The following CCDC171 variants were observed in gnomAD, a reference collection of about 807,000 sequenced individuals.
The protein encoded by CCDC171 is coiled-coil domain containing 171, also known as coiled-coil domain-containing protein 171.
A neutral mutation model predicts 168.2 loss-of-function variants in CCDC171; 177 were observed. The ratio of observed to expected loss-of-function variants is 1.05; its 90% CI spans 0.93 to 1.19. The LOEUF is 1.19. Among genes scored for constraint, CCDC171 ranks in the 50% most tolerant of loss-of-function variants. CCDC171 has a pLI of 0.00. For synonymous variants in CCDC171, 687 were observed against 540.8 expected, an observed-to-expected ratio of 1.27 and a Z score of -3.75; for missense variants, 1,991 against 1,539.0, an observed-to-expected ratio of 1.29 and a Z score of -4.91.
intron 3 of CCDC171, among the ~76,000 whole-genome samples, chr9:15,979,729 A>C (rs1450958106): frequency 6.6e-6 from 1 of 151,752 alleles, no homozygotes; most frequent in African/African-American, 2.4e-5. Flanking sequence ...CATCTCTGAA[A>C]ATAAGGAGTA....
chr9:15,557,576 C>T (rs984961724), intron 1 of CCDC171, among the ~76,000 whole-genome samples: 24 of 152,084 alleles, frequency 1.6e-4, no homozygotes, highest in African/African-American at 4.1e-4. Flanking sequence ...GTGATTTTTG[C>T]ACATTGATTT....
chr9:16,077,977 G>A, the CCDC171 span, among the ~76,000 whole-genome samples: 1 of 151,102 alleles, frequency 6.6e-6, no homozygotes, highest in South Asian at 2.1e-4. Context: ...ACATTGTGAT[G>A]GTTATAGTAA....
intron 21 of CCDC171, chr9:15,845,548 T>G (rs2060858806): frequency 6.6e-6 from 1 of 152,060 alleles, no homozygotes; most frequent in South Asian, 2.1e-4. Context: ...CTATTCTTTT[T>G]TTTATACTAC....
At chr9:15,677,742 G>A (rs1406477507) in intron 9 of CCDC171, among the ~76,000 whole-genome samples, 1 of 147,838 alleles carries the variant, frequency 6.8e-6, no homozygotes, top group Non-Finnish European at 1.5e-5. Flanking sequence ...CCATATATAT[G>A]TGGTGTGTAT....
intron 2 of CCDC171, among the ~76,000 whole-genome samples, chr9:15,569,254 A>G (rs1346470802): frequency 6.6e-6 from 1 of 152,132 alleles, no homozygotes; most frequent in East Asian, 1.9e-4. Flanking sequence ...GCAGTGGTTA[A>G]GAGGATATAT....
chr9:15,804,917 T>G (rs905806571), intron 21 of CCDC171, among the ~76,000 whole-genome samples: 43 of 152,284 alleles, frequency 2.8e-4, no homozygotes, highest in African/African-American at 9.9e-4. Flanking sequence ...TATTTATTAC[T>G]GCCTCAATTT....
intron 16 of CCDC171, among the ~76,000 whole-genome samples, chr9:15,738,943 G>C (rs1315148946): frequency 6.6e-6 from 1 of 151,928 alleles, no homozygotes; most frequent in South Asian, 2.1e-4. Context: ...TTTTATAAAG[G>C]GTTATTTAAT....
chr9:15,859,106 T>C (rs1333079157), intron 23 of CCDC171, among the ~76,000 whole-genome samples: 1 of 152,090 alleles, frequency 6.6e-6, no homozygotes, highest in African/African-American at 2.4e-5. Context: ...GGCTATTGAA[T>C]TTTTATCAAT....
intron 3 of CCDC171, among the ~76,000 whole-genome samples, chr9:15,577,892 AC>A (rs1353852898): frequency 6.6e-6 from 1 of 152,176 alleles, no homozygotes; most frequent in African/African-American, 2.4e-5. Flanking sequence ...TGGCATCTTC[AC>A]TTCTCCTGCT....
At chr9:15,898,847 G>C (rs1293914506) in intron 24 of CCDC171, among the ~76,000 whole-genome samples, 2 of 152,042 alleles carry the variant, frequency 1.3e-5, no homozygotes, top group Non-Finnish European at 2.9e-5. Context: ...TTAGTACAAT[G>C]GGTAAATACA....
chr9:15,807,290 C>G (rs370123299), intron 21 of CCDC171, among the ~76,000 whole-genome samples: 57 of 152,346 alleles, frequency 3.7e-4, no homozygotes, highest in African/African-American at 1.2e-3. Flanking sequence ...GTAAGACACT[C>G]TGGCCATTTG....
chr9:16,066,288 TA>T (rs1292509725), downstream of CCDC171, among the ~76,000 whole-genome samples: 1 of 152,126 alleles, frequency 6.6e-6, no homozygotes, highest in Non-Finnish European at 1.5e-5. Context: ...GGTAGTCCAA[TA>T]AACAGAACTG....
At chr9:15,976,396 T>G (rs1208773815), downstream of CCDC171, among the ~76,000 whole-genome samples, 1 of 152,178 alleles carries the variant, frequency 6.6e-6, no homozygotes, top group Non-Finnish European at 1.5e-5. Flanking sequence ...AAACAGTGAT[T>G]ATATTGGGCC....
At chr9:15,738,076 G>A (rs1161748994) in intron 16 of CCDC171, among the ~76,000 whole-genome samples, 1 of 152,166 alleles carries the variant, frequency 6.6e-6, no homozygotes, top group African/African-American at 2.4e-5. Flanking sequence ...TTTAAATGAA[G>A]TCCTTTGATG....
At chr9:15,626,567 A>G (rs563615422) in intron 7 of CCDC171, among the ~76,000 whole-genome samples, 1 of 152,178 alleles carries the variant, frequency 6.6e-6, no homozygotes, top group Non-Finnish European at 1.5e-5. Flanking sequence ...ATCTGTTGAG[A>G]TAATCATGTG....
At chr9:15,623,657 A>C (rs1207089648) in intron 7 of CCDC171, among the ~76,000 whole-genome samples, 1 of 152,206 alleles carries the variant, frequency 6.6e-6, no homozygotes, top group Non-Finnish European at 1.5e-5. Context: ...GTTTAAAAAA[A>C]TCTGTTCACT....
rs575701455 is a variant in CCDC171, at chr9:15,744,757, A to G, written c.2534A>G (p.Gln845Arg). 40 of 1,607,428 alleles carry G rather than the reference A, an allele frequency of 2.5e-5. No individual in the cohort carries two copies. The Admixed American group carries it at 3.4e-4, about 14-fold the overall frequency. Reference protein sequence around the residue: ...IGMLVCTGEPQDKHKFPKHQK... With the variant: ...IGMLVCTGEPRDKHKFPKHQK... ...ATGTTAGTGTGCACAGGAGAGCCCC[A>G]AGACAAGCATAAATTTCCAAGTAAG... Residue 845 changes from glutamine (Q) to arginine (R), a missense_variant, in exon 17 of 26, where the codon CAA becomes CGA. Transcript: ENST00000380701.
At chr9:15,974,523 C>T (rs1030883322), downstream of CCDC171, among the ~76,000 whole-genome samples, 1 of 152,190 alleles carries the variant, frequency 6.6e-6, no homozygotes, top group Non-Finnish European at 1.5e-5. Flanking sequence ...TGCTAACTTT[C>T]TGTGATCTAG....
intron 23 of CCDC171, among the ~76,000 whole-genome samples, chr9:15,862,576 T>C (rs2061606473): frequency 6.6e-6 from 1 of 151,994 alleles, no homozygotes; most frequent in Admixed American, 6.6e-5. Context: ...GGATTATGTT[T>C]CTCTGTTTTT....
Sources: allele counts gnomAD v4.1 joint callset (sites outside exome capture counted in the v4.1 genomes callset), GRCh38; gene constraint gnomAD v4.1.1; transcripts MANE v1.5; gene names NCBI Gene and HGNC (gene_info 2026-07-23, HGNC 2026-07-21).